Variants in PUDP observed in about 807,000 individuals in gnomAD.
The protein encoded by PUDP is pseudouridine 5'-phosphatase.
In PUDP, 8 loss-of-function variants were observed where a neutral mutation model predicts 9.4. The observed-to-expected ratio is 0.85, with a 90% CI of 0.50 to 1.53. The LOEUF is 1.53. Ranked by LOEUF, PUDP falls within the 40% of genes most tolerant of loss-of-function variation. PUDP has a pLI of 0.00. For synonymous variants in PUDP, 99 were observed against 80.7 expected, an observed-to-expected ratio of 1.23 and a Z score of -1.22; for missense variants, 188 against 189.7, an observed-to-expected ratio of 0.99 and a Z score of 0.05.
At chrX:7,069,395 G>A (rs775026840) in intron 3 of PUDP, among the ~76,000 whole-genome samples, 27 of 111,239 alleles carry the variant, frequency 2.4e-4, no homozygotes, top group African/African-American at 8.2e-4. Context: ...GGACACGGAC[G>A]TAAGGCTACT....
chrX:7,063,683 G>A (rs960696854), intron 3 of PUDP, among the ~76,000 whole-genome samples: 1 of 110,938 alleles, frequency 9.0e-6, no homozygotes, highest in African/African-American at 3.3e-5. Context: ...TCACTCTGTC[G>A]CCCAGGCTCG....
At chrX:6,948,248 T>A (rs6638641) in intron 3 of PUDP, among the ~76,000 whole-genome samples, 23,398 of 110,690 alleles carry the variant, frequency 0.21, 1,961 homozygotes, top group Admixed American at 0.35. Flanking sequence ...AGGAAAGGAG[T>A]GCCTTTCTCA....
rs753618830 is a variant in PUDP, at chrX:6,883,521, C to CAAAA, written c.*247+93608_*247+93611dup. Among the ~76,000 whole-genome samples the CAAAA allele has an allele frequency of 5.2e-3, 213 of 41,300 alleles. 3 individuals are homozygous for CAAAA. The highest frequency in any genetic ancestry group is 0.013 in the East Asian group (19 of 1,472). 35.9% of individuals were successfully genotyped at this position (41,300 alleles called of 115,157 possible). A position where few individuals can be genotyped will look rare whatever the true frequency, so the allele number is the denominator to read the frequency against. On this transcript the variant is annotated intron_variant and NMD_transcript_variant, in intron 3 of 3. Coordinates refer to the PUDP transcript ENST00000655425. Reference sequence around the variant, plus strand: ...TGGGAGATGGAGTGAGACCTTGTCTCAAAAAAAAAAAAAAAAAAAAAATTT... The same window carrying CAAAA: ...TGGGAGATGGAGTGAGACCTTGTCTCAAAAAAAAAAAAAAAAAAAAAAAAAATTT...
chrX:6,851,988 T>C (rs1488544686), intron 3 of PUDP, among the ~76,000 whole-genome samples: 1 of 112,447 alleles, frequency 8.9e-6, no homozygotes, highest in Non-Finnish European at 1.9e-5. Context: ...ATTTGGAACA[T>C]GTGGTAAGGC....
chrX:6,868,785 G>C (rs911427217), intron 3 of PUDP, among the ~76,000 whole-genome samples: 1 of 111,808 alleles, frequency 8.9e-6, no homozygotes, highest in African/African-American at 3.3e-5. Flanking sequence ...TGATTTAGCT[G>C]TTCTTGTGTG....
intron 3 of PUDP, among the ~76,000 whole-genome samples, chrX:6,827,411 C>T (rs1926440392): frequency 9.0e-6 from 1 of 111,483 alleles, no homozygotes; most frequent in Non-Finnish European, 1.9e-5. Context: ...GTTTAAATAC[C>T]CTCTAGAGGA....
chrX:6,711,761 C>T (rs16984283), intron 1 of PUDP, among the ~76,000 whole-genome samples: 7,842 of 111,579 alleles, frequency 0.07, 293 homozygotes, highest in African/African-American at 0.13. Context: ...TTCTGGTCCA[C>T]GTGGGGCTGC....
intron 3 of PUDP, among the ~76,000 whole-genome samples, chrX:6,924,815 C>T (rs750609940): frequency 1.8e-5 from 2 of 112,612 alleles, no homozygotes; most frequent in African/African-American, 3.2e-5. Flanking sequence ...TGAACTAGAG[C>T]TATGCAATGT....
chrX:6,719,495 A>G (rs1420533307), intron 1 of PUDP, among the ~76,000 whole-genome samples: 1 of 112,336 alleles, frequency 8.9e-6, no homozygotes, highest in East Asian at 2.8e-4. Flanking sequence ...TAGCAAATGT[A>G]TGTTGTTTTA....
At chrX:7,003,078 C>G (rs1156547267) in intron 1 of PUDP, among the ~76,000 whole-genome samples, 2 of 111,998 alleles carry the variant, frequency 1.8e-5, no homozygotes, top group African/African-American at 6.5e-5. Flanking sequence ...TTATGTGGGA[C>G]TGGATATTCC....
At chrX:6,801,574 T>G (rs5948729) in intron 3 of PUDP, among the ~76,000 whole-genome samples, 1 of 110,182 alleles carries the variant, frequency 9.1e-6, no homozygotes, top group Non-Finnish European at 1.9e-5. Context: ...TCAGTCCCCC[T>G]CGCCACACAC....
At chrX:6,832,957 G>T (rs543963694) in intron 3 of PUDP, among the ~76,000 whole-genome samples, 1 of 99,300 alleles carries the variant, frequency 1.0e-5, no homozygotes, top group African/African-American at 4.0e-5. Context: ...CAGACTGCCT[G>T]CTCATGTCAC....
chrX:6,919,515 T>G (rs779837989), intron 3 of PUDP, among the ~76,000 whole-genome samples: 9 of 110,500 alleles, frequency 8.1e-5, no homozygotes, highest in Non-Finnish European at 1.5e-4. Flanking sequence ...ACTTTGAGGT[T>G]CAAAGCTGTA....
chrX:6,968,330 A>G (rs1471737640), intron 3 of PUDP, among the ~76,000 whole-genome samples: 1 of 112,097 alleles, frequency 8.9e-6, no homozygotes, highest in East Asian at 2.8e-4. Context: ...CTGATGGATC[A>G]GTGGAAGGGA....
chrX:7,039,863 G>A (rs1929898894), intron 1 of PUDP, among the ~76,000 whole-genome samples: 1 of 111,890 alleles, frequency 8.9e-6, no homozygotes, highest in African/African-American at 3.2e-5. Flanking sequence ...TAATTTGGGG[G>A]CATAATATTG....
intron 1 of PUDP, among the ~76,000 whole-genome samples, chrX:7,031,823 T>C (rs1929796462): frequency 8.9e-6 from 1 of 112,206 alleles, no homozygotes; most frequent in Non-Finnish European, 1.9e-5. Context: ...GACCTGAACG[T>C]AAAATCTAAA....
At position 7,049,497 on chromosome X, in the gene PUDP, T is replaced by A. The variant is rs934070819; in HGVS notation, c.*799A>T. 8.9e-6 allele frequency: 1 copy of A among 112,551 alleles called. No homozygotes were observed. The highest frequency in any genetic ancestry group is 1.9e-5 in the Non-Finnish European group (1 of 53,290). The allele number at this position is 112,551 out of a possible 1,213,427, so 9.3% of individuals were successfully genotyped here. Reference sequence around the variant, plus strand: ...AAACATTTTCCAATGCAGGTAAGGATGTAGATACCAGGTAAATGTTACAGT... The same window carrying A: ...AAACATTTTCCAATGCAGGTAAGGAAGTAGATACCAGGTAAATGTTACAGT... On this transcript the variant is annotated 3_prime_UTR_variant, in exon 4 of 4. Transcript: ENST00000381077.
chrX:7,016,988 C>A (rs760887758), intron 1 of PUDP, among the ~76,000 whole-genome samples: 2 of 111,459 alleles, frequency 1.8e-5, no homozygotes, highest in African/African-American at 6.5e-5. Flanking sequence ...GCTTCAACTT[C>A]TGCAATGACC....
At chrX:6,879,007 G>A (rs1325973126) in intron 3 of PUDP, among the ~76,000 whole-genome samples, 1 of 111,703 alleles carries the variant, frequency 9.0e-6, no homozygotes, top group Non-Finnish European at 1.9e-5. Context: ...ATGGTATGAG[G>A]ACTTTGAAAA....
Sources: gnomAD v4.1 joint callset for allele counts (sites outside exome capture counted in the v4.1 genomes callset) on GRCh38, gnomAD v4.1.1 for gene constraint, MANE v1.5 for transcripts, NCBI Gene and HGNC (gene_info 2026-07-23, HGNC 2026-07-21) for gene names.